ADARB2: variants seen among roughly 807,000 people sequenced by gnomAD.
ADARB2 encodes adenosine deaminase RNA specific B2 (inactive).
ADARB2 carries 25 observed loss-of-function variants against 62.2 expected under a neutral mutation model. The ratio of observed to expected loss-of-function variants is 0.40; its 90% CI spans 0.29 to 0.56. The LOEUF (loss-of-function observed/expected upper bound fraction) is 0.56. ADARB2 is among the 20% of genes least tolerant of loss of function. The probability of loss-of-function intolerance (pLI) is 0.43; values close to 1 mark genes in which losing one functional copy is unlikely to be tolerated. For synonymous variants in ADARB2, 572 were observed against 500.8 expected, an observed-to-expected ratio of 1.14 and a Z score of -1.90; for missense variants, 1,071 against 1,077.4, an observed-to-expected ratio of 0.99 and a Z score of 0.08.
In ADARB2 at chr10:1,326,933, C is replaced by A. The variant is rs376971159; in HGVS notation, c.1077+36095G>T. ...CCACTGCCCAGCGCCTCCCCACTGC[C>A]CAGCGCCTCCCCACGGCACAGCGCC... is the stretch of plus-strand genomic sequence containing the variant. On this transcript the variant is annotated intron_variant, in intron 3 of 9. Transcript: ENST00000381312. 1.5e-3 allele frequency among the ~76,000 whole-genome samples: 36 copies of A among 23,278 alleles called. 2 individuals are homozygous for A. Among genetic ancestry groups the A allele is most frequent in the African/African-American group, 3.9e-3 (20 of 5,154 alleles). 15.3% of individuals were successfully genotyped at this position (23,278 alleles called of 152,430 possible).
intron 1 of ADARB2, among the ~76,000 whole-genome samples, chr10:1,521,427 C>T (rs1176590474): frequency 6.6e-6 from 1 of 152,082 alleles, no homozygotes; most frequent in African/African-American, 2.4e-5. Context: ...ATTCTAAGGC[C>T]CCCTAAGCTT....
At chr10:1,504,195 C>A (rs1005613964) in intron 1 of ADARB2, among the ~76,000 whole-genome samples, 9 of 152,162 alleles carry the variant, frequency 5.9e-5, no homozygotes, top group Admixed American at 3.9e-4. Context: ...GCTCCAACCC[C>A]CTTTAAATCC....
intron 1 of ADARB2, among the ~76,000 whole-genome samples, chr10:1,564,403 G>C: frequency 6.6e-6 from 1 of 152,188 alleles, no homozygotes; most frequent in East Asian, 1.9e-4. Flanking sequence ...AGCCAGAATT[G>C]ACAAATGGGA....
intron 1 of ADARB2, among the ~76,000 whole-genome samples, chr10:1,646,878 C>T (rs193036124): frequency 6.6e-6 from 1 of 152,344 alleles, no homozygotes; most frequent in East Asian, 1.9e-4. Context: ...ACCCTTGGTG[C>T]AGTCTTGCCA....
chr10:1,507,505 T>G (rs1311581022), intron 1 of ADARB2, among the ~76,000 whole-genome samples: 1 of 152,242 alleles, frequency 6.6e-6, no homozygotes, highest in Non-Finnish European at 1.5e-5. Context: ...TTCTGAGTGC[T>G]TCCTTTACTA....
At chr10:1,190,247 T>TG (rs1450558649) in intron 8 of ADARB2, among the ~76,000 whole-genome samples, 1 of 152,078 alleles carries the variant, frequency 6.6e-6, no homozygotes, top group Non-Finnish European at 1.5e-5. Context: ...CACGTACACG[T>TG]GCTTGCACAG....
At chr10:1,234,842 G>A (rs1331016475) in intron 5 of ADARB2, among the ~76,000 whole-genome samples, 1 of 141,354 alleles carries the variant, frequency 7.1e-6, no homozygotes, top group Non-Finnish European at 1.5e-5. Flanking sequence ...TCTGCCTCCT[G>A]GGTTCAAACG....
chr10:1,584,101 A>T (rs1361510115), intron 1 of ADARB2, among the ~76,000 whole-genome samples: 1 of 152,230 alleles, frequency 6.6e-6, no homozygotes, highest in Non-Finnish European at 1.5e-5. Flanking sequence ...TAGATACGAC[A>T]CCCAAGAAAC....
intron 1 of ADARB2, among the ~76,000 whole-genome samples, chr10:1,598,781 G>T (rs1475525915): frequency 6.6e-6 from 1 of 152,236 alleles, no homozygotes; most frequent in Non-Finnish European, 1.5e-5. Context: ...GAGAGCCCTG[G>T]CCCTCTGGTC....
intron 3 of ADARB2, among the ~76,000 whole-genome samples, chr10:1,289,772 C>A (rs1420808597): frequency 1.3e-5 from 2 of 152,250 alleles, no homozygotes. Context: ...GACCGCCCGA[C>A]CTTCACTCCA....
chr10:1,696,681 G>A (rs1398002481), intron 1 of ADARB2, among the ~76,000 whole-genome samples: 3 of 152,198 alleles, frequency 2.0e-5, no homozygotes, highest in African/African-American at 7.2e-5. Context: ...ATGCTTCTCA[G>A]GCCTGCCCAG....
At chr10:1,652,999 T>TC (rs1834129968) in intron 1 of ADARB2, among the ~76,000 whole-genome samples, 1 of 151,992 alleles carries the variant, frequency 6.6e-6, no homozygotes, top group African/African-American at 2.4e-5. Context: ...GGAGGCCTCC[T>TC]CCCCCCTGGG....
At chr10:1,263,452 G>T (rs1319681496) in intron 4 of ADARB2, among the ~76,000 whole-genome samples, 1 of 152,156 alleles carries the variant, frequency 6.6e-6, no homozygotes, top group Admixed American at 6.5e-5. Context: ...TAGTCAAAGA[G>T]ACCAGAATAA....
intron 1 of ADARB2, among the ~76,000 whole-genome samples, chr10:1,531,778 A>C (rs1832244365): frequency 6.6e-6 from 1 of 152,156 alleles, no homozygotes. Context: ...CGGAGGTTGC[A>C]GTAAGCTGAG....
chr10:1,558,503 A>G (rs112581700), intron 1 of ADARB2, among the ~76,000 whole-genome samples: 4 of 117,980 alleles, frequency 3.4e-5, no homozygotes, highest in African/African-American at 1.3e-4. Flanking sequence ...ACCCCATCTA[A>G]ATCTGCATCC....
intron 2 of ADARB2, among the ~76,000 whole-genome samples, chr10:1,369,634 G>A (rs5015513): frequency 0.83 from 126,315 of 152,180 alleles, 56,539 homozygotes; most frequent in Non-Finnish European, 0.98. Context: ...CATGATGTAC[G>A]CCTGAAATAT....
intron 1 of ADARB2, among the ~76,000 whole-genome samples, chr10:1,688,314 G>A (rs898729480): frequency 2.6e-5 from 4 of 152,176 alleles, no homozygotes; most frequent in African/African-American, 9.6e-5. Context: ...GCAGCCTTGG[G>A]CATGGGTGGG....
chr10:1,705,835 T>C (rs1350158350), intron 1 of ADARB2, among the ~76,000 whole-genome samples: 1 of 152,214 alleles, frequency 6.6e-6, no homozygotes, highest in Non-Finnish European at 1.5e-5. Context: ...TGGGAAGTTA[T>C]TTGAATTTGG....
chr10:1,380,265 G>A (rs114660029), intron 1 of ADARB2, among the ~76,000 whole-genome samples: 3,224 of 152,346 alleles, frequency 0.021, 112 homozygotes, highest in African/African-American at 0.073. Context: ...GGTGCAGAGC[G>A]CGACAGAAGC....
Sources: allele counts gnomAD v4.1 joint callset (sites outside exome capture counted in the v4.1 genomes callset), GRCh38; gene constraint gnomAD v4.1.1; transcripts MANE v1.5; gene names NCBI Gene and HGNC (gene_info 2026-07-23, HGNC 2026-07-21).